The following CMTR1 variants were observed in gnomAD, a reference collection of about 807,000 sequenced individuals.
The protein encoded by CMTR1 is cap-specific mRNA (nucleoside-2'-O-)-methyltransferase 1.
CMTR1 carries 39 observed loss-of-function variants against 107.0 expected under a neutral mutation model. The ratio of observed to expected loss-of-function variants is 0.36; its 90% CI spans 0.28 to 0.48. CMTR1 has a LOEUF of 0.48. Among genes scored for constraint, CMTR1 ranks in the 20% least tolerant of loss-of-function variants. The pLI is 0.99. For missense variants in CMTR1, 672 were observed against 1,064.9 expected (o/e 0.63, Z 5.14); for synonymous variants, 366 against 379.5 (o/e 0.96, Z 0.41).
At chr6:37,455,497 G>C (rs143030512) in intron 8 of CMTR1, among the ~76,000 whole-genome samples, 1 of 152,330 alleles carries the variant, frequency 6.6e-6, no homozygotes, top group Non-Finnish European at 1.5e-5. Context: ...AGGACGGAGG[G>C]AAATTTAGAT....
intron 2 of CMTR1, among the ~76,000 whole-genome samples, chr6:37,439,289 T>C (rs865916838): frequency 2.4e-4 from 36 of 152,348 alleles, no homozygotes; most frequent in African/African-American, 7.7e-4. Context: ...AATAACTTTT[T>C]GAAGTAAGGA....
chr6:37,469,339 C>A (rs1221880436), intron 13 of CMTR1, among the ~76,000 whole-genome samples: 2 of 151,770 alleles, frequency 1.3e-5, no homozygotes, highest in Non-Finnish European at 2.9e-5. Flanking sequence ...GTGTCTTTTT[C>A]CCCTCTGGCT....
chr6:37,472,825 A>G lies in CMTR1; in HGVS notation c.1689+338A>G, dbSNP rs1048921100. 6.6e-6 allele frequency among the ~76,000 whole-genome samples: 1 copy of G among 152,182 alleles called. No individual in the cohort carries two copies. The highest frequency in any genetic ancestry group is 2.4e-5 in the African/African-American group (1 of 41,444). On this transcript the variant is annotated intron_variant, in intron 16 of 23. Transcript: ENST00000373451. The surrounding 1 kb of genome is among the most constrained non-coding windows in gnomAD (Gnocchi z 4.1). ...GAGACATAGAGTGTGGGATGATCTT[A>G]GGCAAGGGAGCTGGGCACAGGGTGA...
chr6:37,476,068 AG>A, intron 19 of CMTR1, 57 bp from the exon 20 acceptor site: 1 of 1,529,048 alleles, frequency 6.5e-7, no homozygotes, highest in Non-Finnish European at 9.1e-7. Context: ...CCCTGGGGGT[AG>A]GGGTGCTGGT....
At chr6:37,429,379 C>A (rs940049632), upstream of CMTR1, among the ~76,000 whole-genome samples, 1 of 152,154 alleles carries the variant, frequency 6.6e-6, no homozygotes, top group South Asian at 2.1e-4. Context: ...AATTTACCAT[C>A]TTAACCATTT....
At chr6:37,461,038 T>TA (rs1386684897) in intron 10 of CMTR1, among the ~76,000 whole-genome samples, 3 of 152,212 alleles carry the variant, frequency 2.0e-5, no homozygotes, top group Non-Finnish European at 4.4e-5. Flanking sequence ...GGGGGTATTG[T>TA]AAGTAAAACC....
intron 1 of CMTR1, among the ~76,000 whole-genome samples, chr6:37,435,378 G>A (rs2113860655): frequency 6.6e-6 from 1 of 152,250 alleles, no homozygotes; most frequent in Middle Eastern, 3.4e-3. Flanking sequence ...TGACACCAGT[G>A]GCCCAGGGCT....
At chr6:37,450,187 T>C (rs1771918991) in intron 4 of CMTR1, 64 bp from the exon 5 acceptor site, 1 of 1,365,118 alleles carries the variant, frequency 7.3e-7, no homozygotes. Flanking sequence ...GAAGTCCTGA[T>C]GAGTTGGGGT....
intron 13 of CMTR1, among the ~76,000 whole-genome samples, chr6:37,467,129 T>C (rs1761527062): frequency 1.3e-5 from 2 of 152,186 alleles, no homozygotes. Context: ...ATCGCACCAC[T>C]GCCCTCCAGC....
chr6:37,441,402 T>A (rs1228823058), intron 2 of CMTR1, among the ~76,000 whole-genome samples: 1 of 152,060 alleles, frequency 6.6e-6, no homozygotes. Context: ...TAGCTTTTTT[T>A]ACCCTAATTT....
chr6:37,451,205 T>C (rs1482414827), intron 5 of CMTR1, among the ~76,000 whole-genome samples: 1 of 152,224 alleles, frequency 6.6e-6, no homozygotes, highest in East Asian at 1.9e-4. Context: ...ATAGATTACC[T>C]GTCTATTATC....
Position 37,476,110 on chromosome 6 carries a change from A to C in CMTR1, c.2037-16A>C. On this transcript the variant is annotated splice_polypyrimidine_tract_variant and intron_variant, in intron 19 of 23. Coordinates refer to ENST00000373451, the MANE Select transcript of CMTR1 (RefSeq NM_015050.3). ...CATCCTTGGCTTGCCTCTCAGAGAGACTGTTTGGATTGTAGAATTCAGCTT... is the reference window on the plus strand; with the variant it reads ...CATCCTTGGCTTGCCTCTCAGAGAGCCTGTTTGGATTGTAGAATTCAGCTT... 2 of 1,613,686 alleles carry C rather than the reference A, an allele frequency of 1.2e-6. No homozygotes were observed. Among genetic ancestry groups the C allele is most frequent in the Non-Finnish European group, 1.7e-6 (2 of 1,179,840 alleles).
At position 37,461,999 on chromosome 6, in the gene CMTR1, C is replaced by G. The variant is rs778441597; in HGVS notation, c.1222C>G (p.Leu408Val). Reference sequence around the variant, plus strand: ...CCACTTCATCTGTAAAACCTTTGACCTGTTCACACCGTTTAGTGTGGGGCT... The same window carrying G: ...CCACTTCATCTGTAAAACCTTTGACGTGTTCACACCGTTTAGTGTGGGGCT... ...GGHFICKTFD[L>V]FTPFSVGLVY... The change falls in exon 12 of 24, where the codon CTG becomes GTG. Residue 408 changes from leucine to valine, a missense_variant. This residue lies in a region of CMTR1 where 583 missense variants were observed against 968.4 expected (regional missense o/e 0.60). Coordinates refer to ENST00000373451, the MANE Select transcript of CMTR1 (RefSeq NM_015050.3). 35 of 1,613,676 alleles carry G rather than the reference C, an allele frequency of 2.2e-5. No homozygotes were observed. Among genetic ancestry groups the G allele is most frequent in the Middle Eastern group, 1.6e-4 (1 of 6,084 alleles).
intron 8 of CMTR1, among the ~76,000 whole-genome samples, chr6:37,453,645 G>GAGTACTGGGA (rs11281028): frequency 0.78 from 118,926 of 151,742 alleles, 47,577 homozygotes; most frequent in African/African-American, 0.93. Context: ...AATGAGAGGG[G>GAGTACTGGGA]AATATGGTTT....
At chr6:37,443,370 T>G (rs1431639960) in intron 2 of CMTR1, among the ~76,000 whole-genome samples, 1 of 152,062 alleles carries the variant, frequency 6.6e-6, no homozygotes, top group Admixed American at 6.5e-5. Context: ...TTTTTTTTTT[T>G]TGAGATGGAG....
At position 37,478,606 on chromosome 6, in the gene CMTR1, G is replaced by C. The variant is rs186796468; in HGVS notation, c.2266+85G>C. The C allele has an allele frequency of 1.3e-5, 14 of 1,082,796 alleles. No individual in the cohort carries two copies. The Admixed American group carries it at 1.8e-4, about 14-fold the overall frequency. 67.1% of individuals were successfully genotyped at this position (1,082,796 alleles called of 1,614,324 possible). A position where few individuals can be genotyped will look rare whatever the true frequency, so the allele number is the denominator to read the frequency against. The stretch of plus-strand genomic sequence containing the variant: ...ATGGGTCCAGACCCTACCTGAGCCA[G>C]AGCGAAGGGCTCCCAGCTAAGGTGG... On this transcript the variant is annotated intron_variant, in intron 22 of 23. Coordinates refer to ENST00000373451, the MANE Select transcript of CMTR1 (RefSeq NM_015050.3).
At chr6:37,469,193 A>C (rs959434496) in intron 13 of CMTR1, among the ~76,000 whole-genome samples, 6 of 151,802 alleles carry the variant, frequency 4.0e-5, no homozygotes, top group African/African-American at 1.4e-4. Context: ...TTTTTGAAGG[A>C]TATTTTCACT....
At chr6:37,475,183 ACAAGAAAAATATC>A in intron 18 of CMTR1, 125 bp from the exon 19 acceptor site, 1 of 696,876 alleles carries the variant, frequency 1.4e-6, no homozygotes, top group Non-Finnish European at 2.6e-6. Context: ...TGGGAGGGAG[ACAAGAAAAATATC>A]CTGCATTTAG....
intron 2 of CMTR1, among the ~76,000 whole-genome samples, chr6:37,439,448 C>A (rs535988339): frequency 4.4e-4 from 67 of 152,278 alleles, no homozygotes; most frequent in Non-Finnish European, 8.7e-4. Context: ...AGTTGCCAGG[C>A]TCCTTCACCA....
Sources: gnomAD v4.1 joint callset for allele counts (sites outside exome capture counted in the v4.1 genomes callset) on GRCh38, gnomAD v4.1.1 for gene constraint, gnomAD v4.1.1 regional missense constraint, Gnocchi (gnomAD v3.1) non-coding constraint, MANE v1.5 for transcripts, NCBI Gene and HGNC (gene_info 2026-07-23, HGNC 2026-07-21) for gene names.